The following MAN1C1 variants were observed in gnomAD, a reference collection of about 807,000 sequenced individuals.
MAN1C1 encodes mannosyl-oligosaccharide 1,2-alpha-mannosidase IC.
Under a neutral mutation model 71.5 loss-of-function variants are expected in MAN1C1, and 49 were observed. That is an observed-to-expected ratio of 0.69 (90% CI 0.54 to 0.87). The LOEUF is 0.87. Among genes scored for constraint, MAN1C1 ranks in the 40% least tolerant of loss-of-function variants. MAN1C1 has a pLI of 0.00. For missense variants in MAN1C1, 743 were observed against 835.0 expected (o/e 0.89, Z 1.36); for synonymous variants, 352 against 343.7 (o/e 1.02, Z -0.27).
intron 1 of MAN1C1, among the ~76,000 whole-genome samples, chr1:25,641,085 T>G (rs1188941720): frequency 1.3e-5 from 2 of 152,190 alleles, no homozygotes; most frequent in Non-Finnish European, 2.9e-5. Context: ...GTCTTTTAAA[T>G]GTAAGAATCC....
At chr1:25,635,472 C>CA (rs777268540) in intron 1 of MAN1C1, among the ~76,000 whole-genome samples, 17 of 142,280 alleles carry the variant, frequency 1.2e-4, no homozygotes, top group Non-Finnish European at 2.0e-4. Flanking sequence ...GTGTGTGAGA[C>CA]AGAGTCTCAC....
chr1:25,774,682 G>A (rs1197880071), intron 8 of MAN1C1, among the ~76,000 whole-genome samples: 2 of 152,194 alleles, frequency 1.3e-5, no homozygotes, highest in East Asian at 3.8e-4. Flanking sequence ...CTTCATTAAA[G>A]TGAAATAACT....
At chr1:25,719,394 CTTTTATTTATTTATTT>C (rs2046730029) in intron 2 of MAN1C1, among the ~76,000 whole-genome samples, 1 of 142,902 alleles carries the variant, frequency 7.0e-6, no homozygotes. Context: ...TATTTTTTAT[CTTTTATTTATTTATTT>C]ATTTATTTAT....
chr1:25,781,283 C>G, intron 10 of MAN1C1, 171 bp downstream of exon 10: 1 of 687,220 alleles, frequency 1.5e-6, no homozygotes, highest in Non-Finnish European at 2.4e-6. Context: ...CCAAGAGTCC[C>G]CAGCTGGGCA....
At position 25,783,821 on chromosome 1, in the gene MAN1C1, G is replaced by A. The variant is rs768545925; in HGVS notation, c.*32G>A. 4.4e-6 allele frequency: 7 copies of A among 1,600,404 alleles called. No homozygotes were observed. Among genetic ancestry groups the A allele is most frequent in the African/African-American group, 2.7e-5 (2 of 74,956 alleles). On this transcript the variant is annotated 3_prime_UTR_variant, in exon 12 of 12. Coordinates refer to ENST00000374332, the MANE Select transcript of MAN1C1 (RefSeq NM_020379.4). ...CTCCTGCCGCCGCCCTGGGGCCGCC[G>A]CAGGGATGCCTTGCCTTTTCAGGAT...
At chr1:25,683,572 G>C (rs1416391563) in intron 1 of MAN1C1, among the ~76,000 whole-genome samples, 3 of 151,944 alleles carry the variant, frequency 2.0e-5, no homozygotes, top group Non-Finnish European at 2.9e-5. Flanking sequence ...ATGTGGGAAG[G>C]ATGACTTCAG....
chr1:25,683,661 G>C (rs2046186429), intron 1 of MAN1C1, among the ~76,000 whole-genome samples: 1 of 152,062 alleles, frequency 6.6e-6, no homozygotes, highest in South Asian at 2.1e-4. Flanking sequence ...AGGGGGGTGG[G>C]GGGTAGGGGC....
chr1:25,641,909 C>T (rs1158668014), intron 1 of MAN1C1, among the ~76,000 whole-genome samples: 1 of 152,202 alleles, frequency 6.6e-6, no homozygotes, highest in African/African-American at 2.4e-5. Context: ...TTGAAAACAC[C>T]TACCATCTAT....
At chr1:25,781,825 G>A (rs953132388) in intron 10 of MAN1C1, among the ~76,000 whole-genome samples, 3 of 152,150 alleles carry the variant, frequency 2.0e-5, no homozygotes, top group Non-Finnish European at 4.4e-5. Context: ...AAGGCCAAGC[G>A]TCTTGTGCTC....
At chr1:25,731,767 T>G (rs560698270) in intron 2 of MAN1C1, among the ~76,000 whole-genome samples, 1 of 152,248 alleles carries the variant, frequency 6.6e-6, no homozygotes, top group East Asian at 1.9e-4. Context: ...GGTCTCCTCT[T>G]TACTGATGCT....
chr1:25,681,288 C>T (rs927657343), intron 1 of MAN1C1, among the ~76,000 whole-genome samples: 2 of 151,288 alleles, frequency 1.3e-5, no homozygotes, highest in African/African-American at 4.9e-5. Context: ...GCAAAATTAG[C>T]AAAGGAAACA....
At chr1:25,723,340 T>C (rs1440760005) in intron 2 of MAN1C1, among the ~76,000 whole-genome samples, 1 of 152,252 alleles carries the variant, frequency 6.6e-6, no homozygotes, top group Non-Finnish European at 1.5e-5. Flanking sequence ...TTAGGCTGAC[T>C]TGCAACAAGC....
chr1:25,690,288 C>CTTTTTT (rs33932251), intron 2 of MAN1C1, among the ~76,000 whole-genome samples: 56 of 119,752 alleles, frequency 4.7e-4, no homozygotes, highest in Non-Finnish European at 5.8e-4. Flanking sequence ...ATCTCTGCCT[C>CTTTTTT]TTTTTTTTTT....
At chr1:25,771,452 C>T (rs2047550064) in intron 7 of MAN1C1, among the ~76,000 whole-genome samples, 1 of 152,232 alleles carries the variant, frequency 6.6e-6, no homozygotes, top group Admixed American at 6.5e-5. Flanking sequence ...AGGATGAGCG[C>T]TCTCTAGACA....
At chr1:25,648,501 C>T (rs1474321560) in intron 1 of MAN1C1, among the ~76,000 whole-genome samples, 1 of 152,146 alleles carries the variant, frequency 6.6e-6, no homozygotes, top group Non-Finnish European at 1.5e-5. Flanking sequence ...GCTTTCTCCT[C>T]CCCAGGCTCT....
intron 2 of MAN1C1, among the ~76,000 whole-genome samples, chr1:25,723,283 C>T (rs2046791063): frequency 1.3e-5 from 2 of 152,212 alleles, no homozygotes; most frequent in Admixed American, 1.3e-4. Flanking sequence ...TGAGAGGAAA[C>T]ATTTTCTTGG....
intron 2 of MAN1C1, among the ~76,000 whole-genome samples, chr1:25,710,759 T>C (rs1377503253): frequency 6.6e-6 from 1 of 152,194 alleles, no homozygotes; most frequent in Non-Finnish European, 1.5e-5. Flanking sequence ...GCTGCTGCCC[T>C]TTGTTCAGAA....
intron 2 of MAN1C1, among the ~76,000 whole-genome samples, chr1:25,704,674 G>A (rs1444927762): frequency 6.6e-6 from 1 of 152,128 alleles, no homozygotes; most frequent in Non-Finnish European, 1.5e-5. Context: ...CCCGAACTCC[G>A]GCTGATCCTG....
intron 2 of MAN1C1, among the ~76,000 whole-genome samples, chr1:25,720,690 T>C (rs2046750713): frequency 6.6e-6 from 1 of 152,246 alleles, no homozygotes; most frequent in South Asian, 2.1e-4. Context: ...TGTAGTCCAG[T>C]GTATCGATTT....
Sources: allele counts gnomAD v4.1 joint callset (sites outside exome capture counted in the v4.1 genomes callset), GRCh38; gene constraint gnomAD v4.1.1; transcripts MANE v1.5; gene names NCBI Gene and HGNC (gene_info 2026-07-23, HGNC 2026-07-21).